Variants in GPR176 observed in about 807,000 individuals in gnomAD.
GPR176 encodes G-protein coupled receptor 176.
GPR176 carries 26 observed loss-of-function variants against 35.4 expected under a neutral mutation model. The observed-to-expected ratio is 0.74, with a 90% confidence interval of 0.54 to 1.02. GPR176 has a LOEUF of 1.02. Among genes scored for constraint, GPR176 ranks in the 50% least tolerant of loss-of-function variants. GPR176 has a pLI of 0.00. For missense variants in GPR176, 597 were observed against 665.3 expected, an observed-to-expected ratio of 0.90 and a Z score of 1.13; for synonymous variants, 278 against 271.3, an observed-to-expected ratio of 1.02 and a Z score of -0.24.
intron 1 of GPR176, among the ~76,000 whole-genome samples, chr15:39,865,640 G>C (rs1285437668): frequency 6.6e-6 from 1 of 152,064 alleles, no homozygotes; most frequent in African/African-American, 2.4e-5. Context: ...TAAAAGACCT[G>C]ACTTCACCAC....
intron 1 of GPR176, among the ~76,000 whole-genome samples, chr15:39,858,836 T>G (rs1457396081): frequency 6.6e-6 from 1 of 152,088 alleles, no homozygotes; most frequent in African/African-American, 2.4e-5. Context: ...AGCCTCCACC[T>G]CTCAGGTTCA....
chr15:39,882,108 G>A lies in GPR176; in HGVS notation c.172+37747C>T, dbSNP rs182363607. On this transcript the variant is annotated intron_variant, in intron 1 of 2. Coordinates refer to ENST00000561100, the MANE Select transcript of GPR176 (RefSeq NM_007223.3). ...TGAAATTGACTCATTTTGTCATTAA[G>A]GGCAGAAAGAGACCAAAACTACAGA... Among the ~76,000 whole-genome samples the A allele has an allele frequency of 3.9e-5, 6 of 152,218 alleles. No individual in the cohort carries two copies. The East Asian group carries it at 1.2e-3, about 29-fold the overall frequency.
intron 1 of GPR176, among the ~76,000 whole-genome samples, chr15:39,847,219 G>A (rs2412449): frequency 0.31 from 46,930 of 151,882 alleles, 7,938 homozygotes; most frequent in Non-Finnish European, 0.39. Flanking sequence ...TAAATAAAAA[G>A]CTGAGAGAAT....
At chr15:39,809,003 A>T (rs537574859) in intron 1 of GPR176, among the ~76,000 whole-genome samples, 2 of 152,266 alleles carry the variant, frequency 1.3e-5, no homozygotes, top group African/African-American at 4.8e-5. Context: ...CCACAGCCCC[A>T]TGCTCAGACT....
At chr15:39,823,742 G>A (rs964669868) in intron 1 of GPR176, among the ~76,000 whole-genome samples, 4 of 152,246 alleles carry the variant, frequency 2.6e-5, no homozygotes, top group East Asian at 3.9e-4. Flanking sequence ...CCTGCCCACC[G>A]CTAGACTGTG....
At chr15:39,845,698 T>TGAGACCTTAGTAAGCGGGAGA (rs1443860629) in intron 1 of GPR176, among the ~76,000 whole-genome samples, 3 of 151,938 alleles carry the variant, frequency 2.0e-5, no homozygotes, top group Non-Finnish European at 4.4e-5. Flanking sequence ...ATATTTGAAT[T>TGAGACCTTAGTAAGCGGGAGA]GAGACCTTAG....
At chr15:39,843,005 T>C (rs2030136445) in intron 1 of GPR176, among the ~76,000 whole-genome samples, 1 of 151,464 alleles carries the variant, frequency 6.6e-6, no homozygotes, top group Non-Finnish European at 1.5e-5. Context: ...GAAGAGGCTG[T>C]CACCAACAAC....
intron 1 of GPR176, among the ~76,000 whole-genome samples, chr15:39,855,205 T>G (rs2031135401): frequency 6.6e-6 from 1 of 152,214 alleles, no homozygotes; most frequent in African/African-American, 2.4e-5. Context: ...AATACTATTT[T>G]CTCCATGTAT....
intron 1 of GPR176, among the ~76,000 whole-genome samples, chr15:39,857,077 C>T (rs960079369): frequency 6.6e-6 from 1 of 152,164 alleles, no homozygotes. Context: ...AGCTGTCTAA[C>T]TGTATATAGC....
intron 1 of GPR176, among the ~76,000 whole-genome samples, chr15:39,891,008 A>C (rs539739212): frequency 1.4e-4 from 21 of 152,356 alleles, no homozygotes; most frequent in African/African-American, 4.6e-4. Context: ...GAGGTAGAGA[A>C]GAATAGATGA....
chr15:39,802,380 G>A, intron 2 of GPR176, 126 bp from the exon 3 acceptor site: 1 of 732,298 alleles, frequency 1.4e-6, no homozygotes, highest in East Asian at 2.8e-5. Flanking sequence ...AGACAGAAAA[G>A]CACTGGGGGA....
chr15:39,847,467 C>G (rs940549213), intron 1 of GPR176, among the ~76,000 whole-genome samples: 2 of 151,910 alleles, frequency 1.3e-5, no homozygotes, highest in South Asian at 2.1e-4. Flanking sequence ...CTCATGAGGC[C>G]GGGCACAATG....
At chr15:39,816,166 G>T (rs1256076194) in intron 1 of GPR176, among the ~76,000 whole-genome samples, 3 of 152,158 alleles carry the variant, frequency 2.0e-5, no homozygotes, top group African/African-American at 4.8e-5. Flanking sequence ...ACTGGTCAAA[G>T]GACACAAACT....
chr15:39,811,806 C>A (rs772394295), intron 1 of GPR176, among the ~76,000 whole-genome samples: 2 of 151,978 alleles, frequency 1.3e-5, no homozygotes, highest in Admixed American at 6.6e-5. Context: ...GTCCCAGCTA[C>A]TCAGCAGGCT....
At chr15:39,816,666 T>C (rs187885763) in intron 1 of GPR176, among the ~76,000 whole-genome samples, 3 of 152,352 alleles carry the variant, frequency 2.0e-5, no homozygotes, top group East Asian at 1.9e-4. Flanking sequence ...TATTTCATCA[T>C]TATGGAAAGA....
At chr15:39,840,697 T>C (rs144057781) in intron 1 of GPR176, among the ~76,000 whole-genome samples, 14 of 152,244 alleles carry the variant, frequency 9.2e-5, no homozygotes, top group African/African-American at 2.6e-4. Context: ...ACCAAGTCGA[T>C]TGTAACCTTA....
chr15:39,834,204 GA>G (rs1036518235), intron 1 of GPR176, among the ~76,000 whole-genome samples: 2 of 152,038 alleles, frequency 1.3e-5, no homozygotes, highest in African/African-American at 4.8e-5. Flanking sequence ...CTCTTACGAA[GA>G]AAAAGAATCC....
At chr15:39,886,167 AG>A (rs1021940315) in intron 1 of GPR176, among the ~76,000 whole-genome samples, 1 of 152,008 alleles carries the variant, frequency 6.6e-6, no homozygotes, top group Non-Finnish European at 1.5e-5. Flanking sequence ...CGGGAGTAGG[AG>A]GTTGCGGTGA....
chr15:39,823,557 C>T (rs1001473294), intron 1 of GPR176, among the ~76,000 whole-genome samples: 2 of 152,196 alleles, frequency 1.3e-5, no homozygotes, highest in Non-Finnish European at 2.9e-5. Context: ...GTCACCCTCA[C>T]CTCCACTGCT....
Sources: allele counts gnomAD v4.1 joint callset (sites outside exome capture counted in the v4.1 genomes callset), GRCh38; gene constraint gnomAD v4.1.1; transcripts MANE v1.5; gene names NCBI Gene and HGNC (gene_info 2026-07-23, HGNC 2026-07-21).